The following SEH1L variants were observed in gnomAD, a reference collection of about 807,000 sequenced individuals.
SEH1L encodes SEH1 like nucleoporin.
Under a neutral mutation model 49.5 loss-of-function variants are expected in SEH1L, and 18 were observed. The ratio of observed to expected loss-of-function variants is 0.36; its 90% CI spans 0.25 to 0.54. The LOEUF is 0.54. Among genes scored for constraint, SEH1L ranks in the 20% least tolerant of loss-of-function variants. SEH1L has a pLI of 0.87. For missense variants in SEH1L, 404 were observed against 528.8 expected, an observed-to-expected ratio of 0.76 and a Z score of 2.31; for synonymous variants, 169 against 178.1, an observed-to-expected ratio of 0.95 and a Z score of 0.41.
At chr18:12,957,604 A>T (rs564980371) in intron 3 of SEH1L, among the ~76,000 whole-genome samples, 1 of 152,238 alleles carries the variant, frequency 6.6e-6, no homozygotes, top group Non-Finnish European at 1.5e-5. Flanking sequence ...CAGCATTTTC[A>T]TATGAAGGTA....
intron 3 of SEH1L, among the ~76,000 whole-genome samples, chr18:12,956,361 T>A (rs1376623786): frequency 6.6e-6 from 1 of 151,888 alleles, no homozygotes; most frequent in African/African-American, 2.4e-5. Flanking sequence ...TAAAATTCTT[T>A]AAATTTTATT....
intron 4 of SEH1L, among the ~76,000 whole-genome samples, chr18:12,967,170 G>A (rs1032949511): frequency 2.0e-5 from 3 of 152,298 alleles, no homozygotes; most frequent in African/African-American, 7.2e-5. Context: ...ACTGAATACC[G>A]AATTGCTCCT....
At chr18:12,964,368 G>A (rs1043717348) in intron 4 of SEH1L, 4 of 151,804 alleles carry the variant, frequency 2.6e-5, no homozygotes, top group African/African-American at 7.3e-5. Flanking sequence ...TTCTTGCTAT[G>A]TTATCTTTTT....
rs1053909966 is a variant in SEH1L at position 12,963,387 on chromosome 18, A to G, written c.521+16A>G. ...ACCCTTCAAGGTAAGTTTACATATT[A>G]AACCTCTGATAACATCCTAGTAAAA... is the stretch of plus-strand genomic sequence containing the variant. On this transcript the variant is annotated intron_variant, in intron 4 of 8. Coordinates refer to ENST00000399892, the MANE Select transcript of SEH1L (RefSeq NM_001013437.2). 2 of 1,584,840 alleles carry G rather than the reference A, an allele frequency of 1.3e-6. No individual in the cohort carries two copies. The highest frequency in any genetic ancestry group is 1.7e-6 in the Non-Finnish European group (2 of 1,153,714).
At chr18:12,950,853 C>T (rs1024561920) in intron 1 of SEH1L, among the ~76,000 whole-genome samples, 1 of 151,698 alleles carries the variant, frequency 6.6e-6, no homozygotes, top group South Asian at 2.1e-4. Flanking sequence ...GGAGTCTTGC[C>T]ATGTTGCCCA....
At chr18:12,986,339 T>C (rs569896770) in intron 8 of SEH1L, 203 of 985,596 alleles carry the variant, frequency 2.1e-4, no homozygotes, top group Admixed American at 6.8e-4. Flanking sequence ...CTAAGGCTTT[T>C]GCAGAAAAAT....
intron 6 of SEH1L, among the ~76,000 whole-genome samples, chr18:12,979,850 T>G (rs1239227213): frequency 8.4e-6 from 1 of 118,728 alleles, no homozygotes; most frequent in Admixed American, 8.5e-5. Context: ...ACCTCCCGAA[T>G]GGGGCGGCTG....
intron 4 of SEH1L, among the ~76,000 whole-genome samples, chr18:12,965,077 A>C (rs112302826): frequency 3.6e-5 from 4 of 110,216 alleles, no homozygotes; most frequent in Non-Finnish European, 6.8e-5. Context: ...GCAGTGGCGC[A>C]ATCTAGGCTC....
chr18:12,983,265 T>A (rs2145670886), intron 7 of SEH1L: 1 of 152,406 alleles, frequency 6.6e-6, no homozygotes, highest in Admixed American at 6.5e-5. Context: ...TAGAATGGTG[T>A]CCCATACTTA....
chr18:12,948,062 C>T lies in SEH1L; in HGVS notation c.-60C>T. The stretch of plus-strand genomic sequence containing the variant: ...CGAGGTCTGGCTAGGCTACGGGCCA[C>T]GCGCCGCCGCCGCTGCCGCCGCCAC... On this transcript the variant is annotated 5_prime_UTR_variant, in exon 1 of 9. In the 5' UTR this introduces an upstream ATG that the reference lacks. Transcript: ENST00000399892. 7.4e-7 allele frequency: 1 copy of T among 1,353,426 alleles called. No homozygotes were observed. The highest frequency in any genetic ancestry group is 1.0e-6 in the Non-Finnish European group (1 of 964,656). The allele number at this position is 1,353,426 out of a possible 1,614,324, so 83.8% of individuals were successfully genotyped here. A position where few individuals can be genotyped will look rare whatever the true frequency, so the allele number is the denominator to read the frequency against.
At chr18:12,977,041 C>G (rs1223464427) in intron 5 of SEH1L, 3 of 151,912 alleles carry the variant, frequency 2.0e-5, no homozygotes, top group Admixed American at 6.6e-5. Context: ...TCTGGATTTC[C>G]CAGAAGCTCC....
At chr18:12,985,061 A>T (rs2032410980) in intron 8 of SEH1L, among the ~76,000 whole-genome samples, 1 of 152,220 alleles carries the variant, frequency 6.6e-6, no homozygotes, top group Admixed American at 6.5e-5. Flanking sequence ...TTATTTCATG[A>T]AACAAATAAT....
chr18:12,949,456 T>G (rs542820420), intron 1 of SEH1L, among the ~76,000 whole-genome samples: 2,045 of 122,758 alleles, frequency 0.017, 71 homozygotes, highest in East Asian at 0.094. Context: ...TTTTTTTTTT[T>G]TTTTTTTTTT....
intron 5 of SEH1L, chr18:12,978,019 G>C (rs777936793): frequency 6.6e-6 from 1 of 152,136 alleles, no homozygotes; most frequent in Non-Finnish European, 1.5e-5. Context: ...GTAAAGATGG[G>C]GTCTTGCTGT....
At chr18:12,948,396 T>C in intron 1 of SEH1L, 164 bp downstream of exon 1, 3 of 529,392 alleles carry the variant, frequency 5.7e-6, no homozygotes, top group Non-Finnish European at 9.8e-6. Context: ...CCCGCCCGCG[T>C]ATTGTGGGGT....
At chr18:12,979,184 T>A (rs1337474670) in intron 6 of SEH1L, among the ~76,000 whole-genome samples, 4 of 148,984 alleles carry the variant, frequency 2.7e-5, no homozygotes, top group African/African-American at 5.0e-5. Flanking sequence ...TGAACAAAGG[T>A]CTCTGGTTTT....
chr18:12,948,055 C>A lies in SEH1L; in HGVS notation c.-67C>A, dbSNP rs570881577. On this transcript the variant is annotated 5_prime_UTR_variant, in exon 1 of 9. Coordinates refer to ENST00000399892, the MANE Select transcript of SEH1L (RefSeq NM_001013437.2). ...CGGGCTGCGAGGTCTGGCTAGGCTA[C>A]GGGCCACGCGCCGCCGCCGCTGCCG... 1.6e-6 allele frequency: 2 copies of A among 1,244,144 alleles called. No individual in the cohort carries two copies. Among genetic ancestry groups the A allele is most frequent in the Non-Finnish European group, 1.1e-6 (1 of 869,974 alleles). The allele number at this position is 1,244,144 out of a possible 1,614,324, so 77.1% of individuals were successfully genotyped here.
intron 4 of SEH1L, 41 bp downstream of exon 4, chr18:12,963,412 A>G: frequency 1.4e-6 from 2 of 1,439,662 alleles, no homozygotes; most frequent in Non-Finnish European, 2.0e-6. Context: ...TCCTAGTAAA[A>G]TAAACTAGTA....
chr18:12,958,457 G>A (rs1282434106), intron 3 of SEH1L, among the ~76,000 whole-genome samples: 1 of 152,094 alleles, frequency 6.6e-6, no homozygotes, highest in East Asian at 1.9e-4. Flanking sequence ...ACCCATCACT[G>A]TTATCTGTAC....
Sources: allele counts gnomAD v4.1 joint callset (sites outside exome capture counted in the v4.1 genomes callset), GRCh38; gene constraint gnomAD v4.1.1; transcripts MANE v1.5; gene names NCBI Gene and HGNC (gene_info 2026-07-23, HGNC 2026-07-21).